Variants in ATG4C observed in about 807,000 individuals in gnomAD.
The protein encoded by ATG4C is autophagy related 4C cysteine peptidase.
Under a neutral mutation model 57.6 loss-of-function variants are expected in ATG4C, and 56 were observed. That is an observed-to-expected ratio of 0.97 (90% CI 0.78 to 1.21). The LOEUF (loss-of-function observed/expected upper bound fraction) is 1.21, where lower values mean the gene tolerates loss of function less well. ATG4C is among the 50% of genes most tolerant of loss of function. ATG4C has a pLI of 0.00. For missense variants in ATG4C, 595 were observed against 529.8 expected (o/e 1.12, Z -1.21); for synonymous variants, 157 against 174.1 (o/e 0.90, Z 0.78).
At chr1:62,845,496 G>A (rs1343913438) in intron 10 of ATG4C, among the ~76,000 whole-genome samples, 4 of 151,686 alleles carry the variant, frequency 2.6e-5, no homozygotes, top group South Asian at 2.1e-4. Flanking sequence ...GGCTTTATAC[G>A]TTACAAATAT....
chr1:62,858,617 G>A (rs55830330), intron 10 of ATG4C, among the ~76,000 whole-genome samples: 152 of 152,226 alleles, frequency 1.0e-3, no homozygotes, highest in African/African-American at 3.6e-3. Flanking sequence ...AGAAGAAATC[G>A]TTCAGAAAAT....
At chr1:62,850,579 C>T (rs963165426) in intron 10 of ATG4C, among the ~76,000 whole-genome samples, 19 of 151,948 alleles carry the variant, frequency 1.3e-4, no homozygotes, top group African/African-American at 4.3e-4. Flanking sequence ...CAAGTCCAGC[C>T]ACACTAGTCT....
In ATG4C at chr1:62,793,611, A is replaced by AC. The variant is rs1210540791; in HGVS notation, c.-69+9338_-69+9339insC. Among the ~76,000 whole-genome samples the AC allele has an allele frequency of 5.4e-5, 8 of 147,840 alleles. 1 individual carries two copies. Among genetic ancestry groups the AC allele is most frequent in the Non-Finnish European group, 8.9e-5 (6 of 67,212 alleles). On this transcript the variant is annotated intron_variant, in intron 1 of 10. Coordinates refer to ENST00000317868, the MANE Select transcript of ATG4C (RefSeq NM_032852.4). Reference sequence around the variant, plus strand: ...GACCTTGTCTCGAAAAAAAAAAAAAAAAAAAAAAACCAAAAAAACAAACAA... The same window carrying AC: ...GACCTTGTCTCGAAAAAAAAAAAAAACAAAAAAAAACCAAAAAAACAAACAA...
In ATG4C at chr1:62,829,294, G is replaced by A. The variant is rs186403564; in HGVS notation, c.933+118G>A. On this transcript the variant is annotated intron_variant, in intron 7 of 10. Transcript: ENST00000317868. ...ATGATTTTGTAGTTGTACGTTGTACGTTGTAAAGTTTGACATTAGAGATTT... is the reference window on the plus strand; with the variant it reads ...ATGATTTTGTAGTTGTACGTTGTACATTGTAAAGTTTGACATTAGAGATTT... 2.9e-4 allele frequency: 348 copies of A among 1,183,872 alleles called. 1 individual carries two copies. The African/African-American group carries it at 3.5e-3, about 12-fold the overall frequency. 73.3% of individuals were successfully genotyped at this position (1,183,872 alleles called of 1,614,324 possible). A position where few individuals can be genotyped will look rare whatever the true frequency, so the allele number is the denominator to read the frequency against.
intron 9 of ATG4C, among the ~76,000 whole-genome samples, chr1:62,835,183 T>TAA (rs1665959814): frequency 7.1e-6 from 1 of 141,634 alleles, no homozygotes; most frequent in Non-Finnish European, 1.5e-5. Flanking sequence ...TAAGGCCTGT[T>TAA]TAAAAAAAAA....
Position 62,854,561 on chromosome 1 carries a change from GC to G in ATG4C, c.1210-9429del, listed in dbSNP as rs535285606. Among the ~76,000 whole-genome samples the G allele has an allele frequency of 3.4e-4, 52 of 152,256 alleles. No individual in the cohort carries two copies. The South Asian group carries it at 9.7e-3, about 29-fold the overall frequency. On this transcript the variant is annotated intron_variant, in intron 10 of 10. Coordinates refer to ENST00000317868, the MANE Select transcript of ATG4C (RefSeq NM_032852.4). ...CAAAGTGCTGGGATTACAGGCATGA[GC>G]CACCACGTCCAGCTGTTTTTTCTTT...
chr1:62,831,073 G>C (rs1446867615), intron 7 of ATG4C, among the ~76,000 whole-genome samples: 1 of 152,118 alleles, frequency 6.6e-6, no homozygotes, highest in Non-Finnish European at 1.5e-5. Context: ...TGAACTTTTT[G>C]AAAGGTAACA....
chr1:62,823,791 T>G (rs1437403923), intron 6 of ATG4C, among the ~76,000 whole-genome samples: 1 of 152,196 alleles, frequency 6.6e-6, no homozygotes, highest in Non-Finnish European at 1.5e-5. Context: ...TTGTGCATAT[T>G]ATTGCCTCTG....
In ATG4C at chr1:62,864,027, A is replaced by C. The variant is rs1666929900; in HGVS notation, c.1245A>C (p.Leu415Phe). 6.3e-7 allele frequency: 1 copy of C among 1,584,858 alleles called. No homozygotes were observed. Among genetic ancestry groups the C allele is most frequent in the Non-Finnish European group, 8.5e-7 (1 of 1,169,666 alleles). The change falls in exon 11 of 11, where the codon TTA becomes TTC. Residue 415 changes from leucine to phenylalanine, a missense_variant. Transcript: ENST00000317868. ...LKFSSKEKYP[L>F]FTFVNGHSRD... ...TTTCTTCTAAGGAGAAATATCCCTT[A>C]TTTACTTTTGTAAATGGTCATTCCA...
At chr1:62,808,977 T>A (rs1399477874) in intron 3 of ATG4C, among the ~76,000 whole-genome samples, 1 of 152,200 alleles carries the variant, frequency 6.6e-6, no homozygotes, top group Non-Finnish European at 1.5e-5. Flanking sequence ...TTACCCAGGC[T>A]GGAGTGCAAC....
At chr1:62,861,624 CACAG>C (rs1160807490) in intron 10 of ATG4C, among the ~76,000 whole-genome samples, 436 of 30,110 alleles carry the variant, frequency 0.014, 5 homozygotes, top group South Asian at 0.035. Flanking sequence ...CACACACACA[CACAG>C]AGAGACACAA....
chr1:62,789,542 G>T (rs987134620), intron 1 of ATG4C, among the ~76,000 whole-genome samples: 4 of 152,162 alleles, frequency 2.6e-5, no homozygotes, highest in Admixed American at 2.6e-4. Flanking sequence ...GGCCGGGCGT[G>T]GTGGCTCATG....
chr1:62,818,805 A>G (rs1318829405), intron 4 of ATG4C, among the ~76,000 whole-genome samples, 200 bp from the exon 5 acceptor site: 1 of 151,984 alleles, frequency 6.6e-6, no homozygotes, highest in Admixed American at 6.6e-5. Flanking sequence ...CCTTGAAGAA[A>G]CCTTGTACTC....
chr1:62,841,042 C>A (rs1448249517), intron 9 of ATG4C, among the ~76,000 whole-genome samples: 2 of 152,074 alleles, frequency 1.3e-5, no homozygotes, highest in East Asian at 3.8e-4. Flanking sequence ...AAACATTAAC[C>A]CAAAATCTCC....
chr1:62,834,810 C>T lies in ATG4C; in HGVS notation c.1047C>T (p.Cys349=), dbSNP rs763822053. The stretch of plus-strand genomic sequence containing the variant: ...TGATTTACATGGATCCTCATTACTG[C>T]CAATCTTTTGTAGATGTCAGCATAA... The part of the protein sequence containing the change: ...DSLIYMDPHY[C]QSFVDVSIKD... Residue 349 remains cysteine, a synonymous_variant, in exon 9 of 11, where the codon TGC becomes TGT. Transcript: ENST00000317868. The T allele has an allele frequency of 1.1e-5, 18 of 1,612,066 alleles. No homozygotes were observed. The highest frequency in any genetic ancestry group is 3.3e-4 in the Middle Eastern group (2 of 6,070).
intron 10 of ATG4C, among the ~76,000 whole-genome samples, chr1:62,847,592 T>TGCC (rs1666365900): frequency 6.6e-6 from 1 of 152,092 alleles, no homozygotes; most frequent in African/African-American, 2.4e-5. Flanking sequence ...TACCACACAA[T>TGCC]GAGTAAAAAA....
intron 1 of ATG4C, among the ~76,000 whole-genome samples, chr1:62,785,870 CAT>C (rs1664064714): frequency 6.6e-6 from 1 of 151,974 alleles, no homozygotes; most frequent in Non-Finnish European, 1.5e-5. Context: ...TAAATTTACT[CAT>C]ATAATTTTTT....
intron 10 of ATG4C, among the ~76,000 whole-genome samples, chr1:62,851,886 G>A (rs1326854510): frequency 6.6e-6 from 1 of 152,122 alleles, no homozygotes; most frequent in Non-Finnish European, 1.5e-5. Context: ...CAGTCGTGGT[G>A]GTGGGTTAAA....
intron 10 of ATG4C, among the ~76,000 whole-genome samples, chr1:62,852,774 G>T (rs1666558342): frequency 7.1e-6 from 1 of 141,718 alleles, no homozygotes; most frequent in Non-Finnish European, 1.5e-5. Context: ...TAAATGTTCA[G>T]TTATATCTGT....
Sources: allele counts gnomAD v4.1 joint callset (sites outside exome capture counted in the v4.1 genomes callset), GRCh38; gene constraint gnomAD v4.1.1; transcripts MANE v1.5; gene names NCBI Gene and HGNC (gene_info 2026-07-23, HGNC 2026-07-21).